Variants in CNTNAP2 observed in about 807,000 individuals in gnomAD.
CNTNAP2 encodes contactin-associated protein-like 2.
In CNTNAP2, 98 loss-of-function variants were observed where a neutral mutation model predicts 155.2. The observed-to-expected ratio is 0.63, with a 90% confidence interval of 0.54 to 0.75. The LOEUF is 0.75. Ranked by LOEUF, CNTNAP2 falls within the 30% of genes least tolerant of loss-of-function variation. The probability of loss-of-function intolerance (pLI) is 0.00; values close to 1 mark genes in which losing one functional copy is unlikely to be tolerated. For synonymous variants in CNTNAP2, 651 were observed against 631.2 expected, an observed-to-expected ratio of 1.03 and a Z score of -0.47; for missense variants, 1,727 against 1,688.1, an observed-to-expected ratio of 1.02 and a Z score of -0.40.
intron 1 of CNTNAP2, among the ~76,000 whole-genome samples, chr7:146,136,933 A>G (rs1317836215): frequency 1.3e-5 from 2 of 152,160 alleles, no homozygotes; most frequent in East Asian, 3.8e-4. Context: ...TTTAGCACCA[A>G]GTTGTGTGAT....
At chr7:146,947,553 G>GTATATATATATATA (rs767656171) in intron 3 of CNTNAP2, among the ~76,000 whole-genome samples, 3 of 104,802 alleles carry the variant, frequency 2.9e-5, no homozygotes, top group Non-Finnish European at 5.4e-5. Flanking sequence ...ATGTGTGTGT[G>GTATATATATATATA]TGTGTATATA....
At chr7:147,187,320 A>G (rs1315411314) in intron 8 of CNTNAP2, among the ~76,000 whole-genome samples, 1 of 152,282 alleles carries the variant, frequency 6.6e-6, no homozygotes, top group Non-Finnish European at 1.5e-5. Flanking sequence ...CTGAGTGAAG[A>G]GTAGACTCAT....
chr7:146,309,076 T>G (rs186593940), intron 1 of CNTNAP2, among the ~76,000 whole-genome samples: 71 of 152,254 alleles, frequency 4.7e-4, no homozygotes, highest in African/African-American at 1.7e-3. Context: ...AAATATTGAG[T>G]GCAGGTGGGA....
At chr7:146,931,903 C>T (rs553781146) in intron 3 of CNTNAP2, among the ~76,000 whole-genome samples, 21 of 152,104 alleles carry the variant, frequency 1.4e-4, no homozygotes, top group South Asian at 4.2e-4. Flanking sequence ...GTTGAATCTC[C>T]GAATAGACCA....
rs1176231886 is a variant in CNTNAP2, at chr7:146,774,324, T to A, written c.151T>A (p.Ser51Thr). The A allele has an allele frequency of 6.2e-7, 1 of 1,613,900 alleles. No homozygotes were observed. Among genetic ancestry groups the A allele is most frequent in the Admixed American group, 1.7e-5 (1 of 59,986 alleles). The change falls in exon 2 of 24, where the codon TCC (serine) becomes ACC (threonine). Residue 51 changes from serine (S) to threonine (T), a missense_variant. Coordinates refer to ENST00000361727, the MANE Select transcript of CNTNAP2 (RefSeq NM_014141.6). ...ACTCCCCCATGTGGCTTTCAGCAGCTCCTCCTCCATCTCTGGTAGCTATTC... is the reference window on the plus strand; with the variant it reads ...ACTCCCCCATGTGGCTTTCAGCAGCACCTCCTCCATCTCTGGTAGCTATTC... The part of the protein sequence containing the change: ...SGLPHVAFSS[S>T]SSISGSYSPG...
intron 1 of CNTNAP2, among the ~76,000 whole-genome samples, chr7:146,424,612 C>T (rs1184890088): frequency 6.6e-6 from 1 of 152,160 alleles, no homozygotes; most frequent in Admixed American, 6.5e-5. Context: ...ACAGTTTAAG[C>T]ACAATGGACT....
intron 1 of CNTNAP2, among the ~76,000 whole-genome samples, chr7:146,175,830 C>A (rs1422807078): frequency 6.6e-6 from 1 of 152,174 alleles, no homozygotes; most frequent in Non-Finnish European, 1.5e-5. Context: ...TCACTCCATT[C>A]TTTCCAGTAT....
In CNTNAP2 at chr7:148,356,910, A is replaced by AAAAC. The variant is rs372283448; in HGVS notation, c.3476-26736_3476-26735insCAAA. Among the ~76,000 whole-genome samples, 538 of 149,260 alleles carry AAAAC rather than the reference A, an allele frequency of 3.6e-3. 7 individuals are homozygous for AAAAC. Among genetic ancestry groups the AAAAC allele is most frequent in the African/African-American group, 0.012 (491 of 40,720 alleles). ...TCACCATTAAAAAAACAAAAAAACA[A>AAAAC]AAAAAAAAACCCTTCCTCTTCCAAG... is the stretch of plus-strand genomic sequence containing the variant. On this transcript the variant is annotated intron_variant, in intron 21 of 23. Transcript: ENST00000361727.
At chr7:146,585,749 AAG>A (rs1798680721) in intron 1 of CNTNAP2, among the ~76,000 whole-genome samples, 2 of 134,526 alleles carry the variant, frequency 1.5e-5, no homozygotes, top group African/African-American at 7.8e-5. Context: ...AAAAAGAAAG[AAG>A]GAAAGAAAGA....
intron 13 of CNTNAP2, among the ~76,000 whole-genome samples, chr7:147,668,645 A>T (rs984400954): frequency 4.6e-5 from 7 of 152,224 alleles, no homozygotes; most frequent in Non-Finnish European, 7.3e-5. Flanking sequence ...AAAAATATTT[A>T]AAAATCTTAA....
chr7:148,156,965 T>C (rs1805410587), intron 17 of CNTNAP2, among the ~76,000 whole-genome samples: 2 of 152,166 alleles, frequency 1.3e-5, no homozygotes, highest in East Asian at 3.8e-4. Flanking sequence ...GCAGGGAAGA[T>C]AGGCAGATTC....
chr7:147,421,194 T>C (rs1797285267), intron 10 of CNTNAP2, among the ~76,000 whole-genome samples: 1 of 152,218 alleles, frequency 6.6e-6, no homozygotes, highest in Non-Finnish European at 1.5e-5. Flanking sequence ...AAGCAGTGTT[T>C]AGCATCATGT....
At chr7:147,459,995 G>A (rs192024338) in intron 10 of CNTNAP2, among the ~76,000 whole-genome samples, 192 of 152,264 alleles carry the variant, frequency 1.3e-3, no homozygotes, top group Middle Eastern at 3.4e-3. Context: ...CCTGTCAGGG[G>A]ATGGTGGGCT....
chr7:148,276,671 A>G (rs1274096927), intron 21 of CNTNAP2, among the ~76,000 whole-genome samples: 3 of 152,236 alleles, frequency 2.0e-5, no homozygotes, highest in Middle Eastern at 3.2e-3. Flanking sequence ...TAAGGTTTTA[A>G]TGTTATCTTA....
intron 21 of CNTNAP2, among the ~76,000 whole-genome samples, chr7:148,369,049 T>A (rs1798837389): frequency 6.6e-6 from 1 of 152,152 alleles, no homozygotes; most frequent in Non-Finnish European, 1.5e-5. Flanking sequence ...GGTCTGTCTC[T>A]CTTCTCTCAC....
At chr7:147,783,115 C>A (rs566730255) in intron 13 of CNTNAP2, among the ~76,000 whole-genome samples, 20 of 152,220 alleles carry the variant, frequency 1.3e-4, no homozygotes, top group African/African-American at 4.8e-4. Flanking sequence ...CTTAAACAAT[C>A]CCTAGTGTGA....
intron 19 of CNTNAP2, 87 bp downstream of exon 19, chr7:148,217,611 G>T: frequency 7.1e-7 from 1 of 1,411,052 alleles, no homozygotes; most frequent in Non-Finnish European, 1.0e-6. Flanking sequence ...TTCTTGGTTT[G>T]TTATTTATTC....
intron 10 of CNTNAP2, among the ~76,000 whole-genome samples, chr7:147,422,390 A>G (rs1209857473): frequency 6.6e-6 from 1 of 151,634 alleles, no homozygotes; most frequent in Non-Finnish European, 1.5e-5. Context: ...GTGTATGTAT[A>G]TATACATACT....
chr7:146,707,327 G>A (rs1011470290), intron 1 of CNTNAP2, among the ~76,000 whole-genome samples: 3 of 151,986 alleles, frequency 2.0e-5, no homozygotes, highest in African/African-American at 4.8e-5. Flanking sequence ...ATGGGCATGG[G>A]GCCTCACTCC....
Sources: allele counts gnomAD v4.1 joint callset (sites outside exome capture counted in the v4.1 genomes callset), GRCh38; gene constraint gnomAD v4.1.1; transcripts MANE v1.5; gene names NCBI Gene and HGNC (gene_info 2026-07-23, HGNC 2026-07-21).